GALNT2: variants seen among roughly 807,000 people sequenced by gnomAD.
The protein encoded by GALNT2 is polypeptide N-acetylgalactosaminyltransferase 2, also known as UDP-GalNAc:polypeptide N-acetylgalactosaminyltransferase 2.
Under a neutral mutation model 81.4 loss-of-function variants are expected in GALNT2, and 31 were observed. The ratio of observed to expected loss-of-function variants is 0.38; its 90% CI spans 0.29 to 0.51. GALNT2 has a LOEUF of 0.51. Ranked by LOEUF, GALNT2 falls within the 20% of genes least tolerant of loss-of-function variation. GALNT2 has a pLI of 0.87. For missense variants in GALNT2, 629 were observed against 765.7 expected (o/e 0.82, Z 2.11); for synonymous variants, 303 against 287.4 (o/e 1.05, Z -0.55).
intron 3 of GALNT2, among the ~76,000 whole-genome samples, chr1:230,220,940 C>T (rs1242670967): frequency 6.6e-6 from 1 of 152,202 alleles, no homozygotes; most frequent in African/African-American, 2.4e-5. Context: ...TCCCCAAGTT[C>T]TCCTTTCTTT....
intron 2 of GALNT2, among the ~76,000 whole-genome samples, chr1:230,196,937 A>G (rs910578553): frequency 6.6e-6 from 1 of 152,060 alleles, no homozygotes; most frequent in Non-Finnish European, 1.5e-5. Context: ...AATGTGAAAA[A>G]CAGCTTAAGT....
chr1:230,122,171 C>T (rs56023960), intron 1 of GALNT2, among the ~76,000 whole-genome samples: 24,992 of 151,998 alleles, frequency 0.16, 2,141 homozygotes, highest in South Asian at 0.23. Flanking sequence ...TAAACCTTTG[C>T]CCCGCAAGCA....
rs771321624 is a variant in GALNT2, at chr1:230,058,791, C to T, written n.89+713C>T. 3.9e-5 allele frequency among the ~76,000 whole-genome samples: 6 copies of T among 152,212 alleles called. No individual in the cohort carries two copies. The East Asian group carries it at 9.6e-4, about 24-fold the overall frequency. On this transcript the variant is annotated intron_variant and non_coding_transcript_variant, in intron 1 of 6. Coordinates refer to the GALNT2 transcript ENST00000494106. ...AGCAGCAGGTGGTTAACACTGTCCC[C>T]GGGGTGTGGGGATTTTGAGCTTAGT...
At chr1:230,226,152 ACATTCTGTGTC>A (rs1030367492) in intron 3 of GALNT2, among the ~76,000 whole-genome samples, 6 of 152,176 alleles carry the variant, frequency 3.9e-5, no homozygotes, top group Non-Finnish European at 8.8e-5. Context: ...GCATATATGG[ACATTCTGTGTC>A]CATTCTGTGT....
chr1:230,138,384 G>A (rs1366149559), intron 1 of GALNT2, among the ~76,000 whole-genome samples: 1 of 152,092 alleles, frequency 6.6e-6, no homozygotes, highest in African/African-American at 2.4e-5. Flanking sequence ...AATTAGCCAG[G>A]CATGGTGGTG....
At chr1:230,136,120 G>C (rs544784346) in intron 1 of GALNT2, among the ~76,000 whole-genome samples, 1 of 152,336 alleles carries the variant, frequency 6.6e-6, no homozygotes, top group East Asian at 1.9e-4. Context: ...CCTGGGTATA[G>C]AGGAGGCACT....
At chr1:230,215,603 C>G (rs967163066) in intron 3 of GALNT2, among the ~76,000 whole-genome samples, 1 of 152,138 alleles carries the variant, frequency 6.6e-6, no homozygotes, top group African/African-American at 2.4e-5. Context: ...TAAATTTTGC[C>G]CTGAGCAATA....
intron 2 of GALNT2, among the ~76,000 whole-genome samples, chr1:230,194,284 G>C (rs377164685): frequency 6.6e-6 from 1 of 152,188 alleles, no homozygotes; most frequent in Non-Finnish European, 1.5e-5. Context: ...GCAGTGGCCG[G>C]GTAGTGGCTA....
At chr1:230,202,953 A>G (rs548055597) in intron 2 of GALNT2, among the ~76,000 whole-genome samples, 184 bp from the exon 3 acceptor site, 28 of 152,296 alleles carry the variant, frequency 1.8e-4, no homozygotes, top group African/African-American at 5.8e-4. Flanking sequence ...GCAGTTTCCT[A>G]TTCTCTGGGT....
intron 1 of GALNT2, among the ~76,000 whole-genome samples, chr1:230,127,496 C>T (rs937571967): frequency 6.6e-6 from 1 of 152,098 alleles, no homozygotes; most frequent in Non-Finnish European, 1.5e-5. Context: ...CTGCCTCAGC[C>T]TCCCAAGCAG....
At chr1:230,169,957 A>G (rs1238167954) in intron 1 of GALNT2, among the ~76,000 whole-genome samples, 2 of 152,226 alleles carry the variant, frequency 1.3e-5, no homozygotes, top group South Asian at 4.1e-4. Flanking sequence ...GGTTCTGAAC[A>G]CTGAGAACTG....
intron 1 of GALNT2, among the ~76,000 whole-genome samples, chr1:230,146,581 C>T (rs986427077): frequency 2.6e-5 from 4 of 152,148 alleles, no homozygotes; most frequent in African/African-American, 9.7e-5. Context: ...ATACACTGCA[C>T]ACTCAGTATT....
upstream of GALNT2, among the ~76,000 whole-genome samples, chr1:230,065,277 C>T (rs559539600): frequency 3.3e-4 from 50 of 151,878 alleles, 1 homozygote; most frequent in Admixed American, 2.8e-3. Context: ...ATATATTTTC[C>T]CTTGGACACC....
intron 1 of GALNT2, among the ~76,000 whole-genome samples, chr1:230,085,555 C>G (rs1659874006): frequency 6.6e-6 from 1 of 152,226 alleles, no homozygotes; most frequent in South Asian, 2.1e-4. Flanking sequence ...TTTGCTGGCT[C>G]TGGGTCTCCT....
intron 1 of GALNT2, among the ~76,000 whole-genome samples, chr1:230,105,027 C>T (rs1290327754): frequency 6.6e-6 from 1 of 152,206 alleles, no homozygotes; most frequent in African/African-American, 2.4e-5. Flanking sequence ...CAGACCACAC[C>T]TTCGGCTCTG....
intron 1 of GALNT2, among the ~76,000 whole-genome samples, chr1:230,082,094 T>G (rs2102754830): frequency 6.6e-6 from 1 of 152,342 alleles, no homozygotes. Flanking sequence ...GTGTGAATTT[T>G]TGGACTAGGA....
chr1:230,236,702 T>G lies in GALNT2; in HGVS notation c.584T>G (p.Val195Gly). Residue 195 changes from valine to glycine, a missense_variant, in exon 6 of 16, where the codon GTT becomes GGT. Val to Gly is a moderately radical substitution (Grantham distance 109). Transcript: ENST00000366672. ...TTGGGGAAAATTGAGAAAGTGCGAGTTCTTAGAAATGATCGACGAGAAGGT... is the reference window on the plus strand; with the variant it reads ...TTGGGGAAAATTGAGAAAGTGCGAGGTCTTAGAAATGATCGACGAGAAGGT... ...ALLGKIEKVR[V>G]LRNDRREGLM... The G allele has an allele frequency of 6.2e-7, 1 of 1,613,512 alleles. No homozygotes were observed. Among genetic ancestry groups the G allele is most frequent in the Non-Finnish European group, 8.5e-7 (1 of 1,179,912 alleles).
chr1:230,168,512 A>G (rs1484822088), intron 1 of GALNT2, among the ~76,000 whole-genome samples: 1 of 152,136 alleles, frequency 6.6e-6, no homozygotes, highest in East Asian at 1.9e-4. Flanking sequence ...TTATCAAGAG[A>G]TTTGTACCTG....
chr1:230,088,897 T>C (rs80135353), intron 1 of GALNT2, among the ~76,000 whole-genome samples: 4,194 of 152,258 alleles, frequency 0.028, 87 homozygotes, highest in South Asian at 0.065. Flanking sequence ...ATTAAGCAGT[T>C]GTTCCCCATT....
Sources: allele counts gnomAD v4.1 joint callset (sites outside exome capture counted in the v4.1 genomes callset), GRCh38; gene constraint gnomAD v4.1.1; transcripts MANE v1.5; gene names NCBI Gene and HGNC (gene_info 2026-07-23, HGNC 2026-07-21).